Variants in AFAP1 observed in about 807,000 individuals in gnomAD.
AFAP1 encodes the protein actin filament-associated protein 1.
In AFAP1, 75 loss-of-function variants were observed where a neutral mutation model predicts 93.9. The observed-to-expected ratio is 0.80, with a 90% CI of 0.66 to 0.97. AFAP1 has a LOEUF of 0.97. AFAP1 is among the 50% of genes least tolerant of loss of function. The pLI is 0.00. For missense variants in AFAP1, 1,201 were observed against 1,050.8 expected (o/e 1.14, Z -1.98); for synonymous variants, 517 against 430.7 (o/e 1.20, Z -2.48).
intron 1 of AFAP1, among the ~76,000 whole-genome samples, chr4:7,928,895 T>G (rs1720914805): frequency 1.3e-5 from 2 of 152,200 alleles, no homozygotes; most frequent in African/African-American, 4.8e-5. Context: ...TAATTCACAG[T>G]CAGTGGCAGA....
intron 1 of AFAP1, among the ~76,000 whole-genome samples, chr4:7,873,771 C>G (rs1439158094): frequency 6.6e-6 from 1 of 152,154 alleles, no homozygotes; most frequent in African/African-American, 2.4e-5. Flanking sequence ...TTCCAAGCCA[C>G]CCGAAGCCAC....
At chr4:7,832,940 G>A (rs1190196087) in intron 6 of AFAP1, among the ~76,000 whole-genome samples, 1 of 152,146 alleles carries the variant, frequency 6.6e-6, no homozygotes, top group African/African-American at 2.4e-5. Flanking sequence ...TGGGATAATT[G>A]GCTAGCCTCA....
At chr4:7,857,209 A>C (rs28650789) in intron 3 of AFAP1, among the ~76,000 whole-genome samples, 57,906 of 151,930 alleles carry the variant, frequency 0.38, 12,154 homozygotes, top group East Asian at 0.64. Flanking sequence ...CCAAGTAGAA[A>C]AAGGTTCTAT....
chr4:7,793,722 C>T lies in AFAP1; in HGVS notation c.1371G>A (p.Glu457=), dbSNP rs753702105. The change falls in exon 11 of 18, where the codon GAG becomes GAA. Residue 457 remains glutamate, a synonymous_variant. Transcript: ENST00000420658. ...EALHYDYIDV[E]MSASVIQTAK... ...CTGTCTGAATGACACTTGCAGACAT[C>T]TCCACATCAATGTAGTCATAGTGCA... 3 of 1,578,090 alleles carry T rather than the reference C, an allele frequency of 1.9e-6. No homozygotes were observed. The highest frequency in any genetic ancestry group is 2.6e-6 in the Non-Finnish European group (3 of 1,152,242).
intron 2 of AFAP1, among the ~76,000 whole-genome samples, chr4:7,871,007 A>C (rs1420552466): frequency 6.6e-6 from 1 of 152,166 alleles, no homozygotes; most frequent in Non-Finnish European, 1.5e-5. Flanking sequence ...AGAGTCCTCA[A>C]GATTCTCACA....
chr4:7,838,501 G>C, intron 6 of AFAP1, 23 bp downstream of exon 6: 1 of 1,595,796 alleles, frequency 6.3e-7, no homozygotes, highest in East Asian at 2.2e-5. Context: ...TGAAATGGCT[G>C]TGAAACACAG....
chr4:7,853,861 G>A (rs1321102541), intron 4 of AFAP1, among the ~76,000 whole-genome samples: 2 of 152,152 alleles, frequency 1.3e-5, no homozygotes, highest in Non-Finnish European at 2.9e-5. Context: ...AGAAGCCACT[G>A]TGCGCCATCA....
intron 9 of AFAP1, among the ~76,000 whole-genome samples, chr4:7,805,088 G>A (rs1008509983): frequency 1.3e-5 from 2 of 152,098 alleles, no homozygotes; most frequent in Non-Finnish European, 2.9e-5. Context: ...TTTTTTTGAG[G>A]TGGGGCCTTG....
chr4:7,903,407 C>T (rs918525300), intron 1 of AFAP1, among the ~76,000 whole-genome samples: 2 of 152,226 alleles, frequency 1.3e-5, no homozygotes, highest in Non-Finnish European at 2.9e-5. Context: ...CGACCAGGCG[C>T]GGTGGCTCAC....
intron 12 of AFAP1, 110 bp downstream of exon 12, chr4:7,786,084 T>A: frequency 1.0e-6 from 1 of 970,300 alleles, no homozygotes; most frequent in Non-Finnish European, 1.6e-6. Flanking sequence ...CCTCAGAGCA[T>A]TAAAAAGCTG....
At chr4:7,811,716 G>A (rs1439127419) in intron 8 of AFAP1, among the ~76,000 whole-genome samples, 2 of 152,142 alleles carry the variant, frequency 1.3e-5, no homozygotes, top group African/African-American at 4.8e-5. Flanking sequence ...CCGCCTTGGA[G>A]GAAGACAGCC....
At chr4:7,778,717 A>C in intron 14 of AFAP1, 45 bp downstream of exon 14, 4 of 1,572,828 alleles carry the variant, frequency 2.5e-6, no homozygotes, top group Middle Eastern at 3.3e-4. Context: ...AGCTCCACCA[A>C]GTGCACTTGA....
At chr4:7,846,128 G>A (rs1183633192) in intron 4 of AFAP1, among the ~76,000 whole-genome samples, 1 of 152,206 alleles carries the variant, frequency 6.6e-6, no homozygotes, top group Admixed American at 6.5e-5. Context: ...TTCTGGACAG[G>A]ACGTGAGCGA....
chr4:7,776,374 CTGTGTGTGTGTA>C (rs543577126), intron 14 of AFAP1: 39 of 151,004 alleles, frequency 2.6e-4, no homozygotes, highest in Admixed American at 6.6e-5. Context: ...AGAAGGAATC[CTGTGTGTGTGTA>C]TGTGTGTGTG....
In AFAP1 at chr4:7,936,497, T is replaced by G. The variant is rs192794790; in HGVS notation, c.-3+3159A>C. Among the ~76,000 whole-genome samples the G allele has an allele frequency of 4.3e-3, 660 of 151,838 alleles. 6 individuals are homozygous for G. Among genetic ancestry groups the G allele is most frequent in the Middle Eastern group, 0.014 (4 of 294 alleles). On this transcript the variant is annotated intron_variant, in intron 1 of 17. Coordinates refer to ENST00000420658, the MANE Select transcript of AFAP1 (RefSeq NM_001134647.2). ...AAACCACAGCACCTGGCCTTACTGT[T>G]TGAAAGAATTAATTACCATATTCCT...
chr4:7,796,602 T>C (rs964982528), intron 10 of AFAP1, among the ~76,000 whole-genome samples: 1 of 150,216 alleles, frequency 6.7e-6, no homozygotes, highest in Non-Finnish European at 1.5e-5. Flanking sequence ...TAAAAAAAAA[T>C]TAGCCAGGCA....
At chr4:7,877,772 A>G (rs1038007920) in intron 1 of AFAP1, among the ~76,000 whole-genome samples, 1 of 152,238 alleles carries the variant, frequency 6.6e-6, no homozygotes, top group Non-Finnish European at 1.5e-5. Flanking sequence ...ATTTAAAAAG[A>G]GCAATAGTGT....
chr4:7,820,974 C>T (rs1210968966), intron 6 of AFAP1, among the ~76,000 whole-genome samples: 5 of 152,044 alleles, frequency 3.3e-5, no homozygotes, highest in South Asian at 2.1e-4. Flanking sequence ...CAAAATTAGC[C>T]GGGTGTGGTG....
At chr4:7,882,234 G>A (rs913369592) in intron 1 of AFAP1, among the ~76,000 whole-genome samples, 8 of 151,876 alleles carry the variant, frequency 5.3e-5, no homozygotes, top group East Asian at 3.9e-4. Context: ...AAGAAATTTC[G>A]TAAGAAAAAA....
Sources: allele counts gnomAD v4.1 joint callset (sites outside exome capture counted in the v4.1 genomes callset), GRCh38; gene constraint gnomAD v4.1.1; transcripts MANE v1.5; gene names NCBI Gene and HGNC (gene_info 2026-07-23, HGNC 2026-07-21).